VPS41: variants seen among roughly 807,000 people sequenced by gnomAD.
VPS41 encodes vacuolar protein sorting-associated protein 41 homolog.
A neutral mutation model predicts 130.9 loss-of-function variants in VPS41; 85 were observed. The observed-to-expected ratio is 0.65, with a 90% confidence interval of 0.55 to 0.78. The LOEUF (loss-of-function observed/expected upper bound fraction) is 0.78. Among genes scored for constraint, VPS41 ranks in the 30% least tolerant of loss-of-function variants. The probability of loss-of-function intolerance (pLI) is 0.00; values close to 1 mark genes in which losing one functional copy is unlikely to be tolerated. For missense variants in VPS41, 874 were observed against 1,018.7 expected (o/e 0.86, Z 1.93); for synonymous variants, 335 against 332.9 (o/e 1.01, Z -0.07).
chr7:38,848,944 G>A (rs1218023180), intron 4 of VPS41, among the ~76,000 whole-genome samples: 1 of 152,160 alleles, frequency 6.6e-6, no homozygotes, highest in Admixed American at 6.5e-5. Context: ...GAAATCAGTA[G>A]GTTCAAGGGA....
At chr7:38,744,977 C>G (rs1463047664) in intron 23 of VPS41, among the ~76,000 whole-genome samples, 2 of 152,210 alleles carry the variant, frequency 1.3e-5, no homozygotes, top group African/African-American at 4.8e-5. Context: ...ATGCAATCCT[C>G]AGTACAACCC....
intron 2 of VPS41, among the ~76,000 whole-genome samples, chr7:38,894,041 AACACT>A (rs1786924535): frequency 6.6e-6 from 1 of 152,240 alleles, no homozygotes. Flanking sequence ...TATGGTTGAA[AACACT>A]ACACATTATT....
chr7:38,878,899 T>C (rs1285378879), intron 2 of VPS41, among the ~76,000 whole-genome samples: 1 of 152,160 alleles, frequency 6.6e-6, no homozygotes, highest in South Asian at 2.1e-4. Context: ...GTGCCAACAA[T>C]CACTTCTGCT....
At chr7:38,748,859 T>C (rs574174563) in intron 22 of VPS41, among the ~76,000 whole-genome samples, 47 of 152,258 alleles carry the variant, frequency 3.1e-4, no homozygotes, top group Admixed American at 9.2e-4. Context: ...CCTCAACTTA[T>C]TAGCTCTAGA....
intron 2 of VPS41, among the ~76,000 whole-genome samples, chr7:38,874,086 CA>C (rs1440490961): frequency 3.3e-5 from 5 of 152,144 alleles, no homozygotes; most frequent in Non-Finnish European, 7.4e-5. Context: ...TCAGTGTTTA[CA>C]ACCAAAAATA....
chr7:38,833,336 G>A (rs1785430788), intron 4 of VPS41, among the ~76,000 whole-genome samples: 1 of 152,114 alleles, frequency 6.6e-6, no homozygotes, highest in Non-Finnish European at 1.5e-5. Context: ...ACATTCCTTT[G>A]CTTAAAACCC....
At position 38,748,642 on chromosome 7, in the gene VPS41, G is replaced by T. The variant is rs142914138; in HGVS notation, c.1927-3029C>A. 1.4e-3 allele frequency among the ~76,000 whole-genome samples: 211 copies of T among 151,362 alleles called. 1 individual carries two copies. The highest frequency in any genetic ancestry group is 5.5e-3 in the South Asian group (26 of 4,718). On this transcript the variant is annotated intron_variant, in intron 22 of 28. Transcript: ENST00000310301. ...AACCACTCTAGGCACAAGCAAATCA[G>T]ATTTGCAAAATGAAAACCAGTGCCT...
intron 12 of VPS41, among the ~76,000 whole-genome samples, chr7:38,772,937 A>G (rs1784183537): frequency 6.6e-6 from 1 of 152,184 alleles, no homozygotes; most frequent in African/African-American, 2.4e-5. Context: ...AAAAAAAATA[A>G]GGTGAGTTTA....
Position 38,869,202 on chromosome 7 carries a change from C to A in VPS41, c.112G>T (p.Gly38Trp). 1 of 1,612,764 alleles carries A rather than the reference C, an allele frequency of 6.2e-7. No individual in the cohort carries two copies. The highest frequency in any genetic ancestry group is 8.5e-7 in the Non-Finnish European group (1 of 1,179,120). ...PKLKYERLSN[G>W]VTEILQKDAA... ...TCCTTCTGAAGTATTTCAGTTACCC[C>A]ATTGGAAAGCCTTTCATACTTCAGC... The change falls in exon 3 of 29, where the codon GGG becomes TGG. Residue 38 changes from glycine to tryptophan, a missense_variant. Transcript: ENST00000310301.
intron 4 of VPS41, among the ~76,000 whole-genome samples, chr7:38,830,534 T>C (rs944658134): frequency 4.6e-5 from 7 of 152,270 alleles, no homozygotes; most frequent in African/African-American, 1.7e-4. Context: ...AGAGTAGTTT[T>C]TAAAAAATAT....
intron 19 of VPS41, 79 bp from the exon 20 acceptor site, chr7:38,755,015 A>T: frequency 1.5e-6 from 2 of 1,323,800 alleles, no homozygotes; most frequent in Non-Finnish European, 2.2e-6. Context: ...CAGTGTACCT[A>T]CCACAGTTCA....
Position 38,909,178 on chromosome 7 carries a change from G to A in VPS41, c.-4C>T. 5.0e-6 allele frequency: 8 copies of A among 1,614,118 alleles called. No homozygotes were observed. Among genetic ancestry groups the A allele is most frequent in the South Asian group, 1.1e-5 (1 of 91,080 alleles). ...CCTGCTCCTCTGCTTCCGCCATGGC[G>A]CCACGGGAGAGTCACCTGACAGACC... is the stretch of plus-strand genomic sequence containing the variant. On this transcript the variant is annotated 5_prime_UTR_variant, in exon 1 of 29. Coordinates refer to ENST00000310301, the MANE Select transcript of VPS41 (RefSeq NM_014396.4).
At position 38,830,249 on chromosome 7, in the gene VPS41, C is replaced by T; in HGVS notation, c.321+5G>A. Reference sequence around the variant, plus strand: ...ACTCTCTGCATGACCACATCTTTGCCATACCTTGCCATCCTCTGAACACAC... The same window carrying T: ...ACTCTCTGCATGACCACATCTTTGCTATACCTTGCCATCCTCTGAACACAC... On this transcript the variant is annotated splice_donor_5th_base_variant and intron_variant, in intron 5 of 28. Transcript: ENST00000310301. 6.2e-7 allele frequency: 1 copy of T among 1,605,636 alleles called. No homozygotes were observed. Among genetic ancestry groups the T allele is most frequent in the Non-Finnish European group, 8.5e-7 (1 of 1,172,162 alleles).
intron 15 of VPS41, 41 bp from the exon 16 acceptor site, chr7:38,765,702 T>A: frequency 7.4e-7 from 1 of 1,356,424 alleles, no homozygotes. Context: ...AAGTATATAT[T>A]AAAAAAACAA....
At chr7:38,855,395 A>G (rs1785961052) in intron 4 of VPS41, among the ~76,000 whole-genome samples, 1 of 152,140 alleles carries the variant, frequency 6.6e-6, no homozygotes, top group African/African-American at 2.4e-5. Context: ...ATCAATCCAA[A>G]GCAAAGAGAA....
rs189888475 is a variant in VPS41, at chr7:38,734,066, G to T, written c.2260-5275C>A. ...GCACCACTGCCATGCTCCAGCCTGG[G>T]CAACAAAGTAAGGCCCTGTCTCAAA... On this transcript the variant is annotated intron_variant, in intron 25 of 28. Coordinates refer to ENST00000310301, the MANE Select transcript of VPS41 (RefSeq NM_014396.4). 2.0e-3 allele frequency among the ~76,000 whole-genome samples: 301 copies of T among 152,324 alleles called. 2 individuals carry two copies. The highest frequency in any genetic ancestry group is 3.7e-3 in the Non-Finnish European group (249 of 68,024).
rs371668846 is a variant in VPS41 at position 38,898,244 on chromosome 7, AT to A, written c.22-116del. ...ACGCATCTGCCCTTTTTGGAAGAGAATCTACAACTATACTTTAGAGGACCAC... is the reference window on the plus strand; with the variant it reads ...ACGCATCTGCCCTTTTTGGAAGAGAACTACAACTATACTTTAGAGGACCAC... On this transcript the variant is annotated intron_variant, in intron 1 of 28. Coordinates refer to ENST00000310301, the MANE Select transcript of VPS41 (RefSeq NM_014396.4). 2,427 of 799,218 alleles carry A rather than the reference AT, an allele frequency of 3.0e-3. 9 individuals carry two copies. Among genetic ancestry groups the A allele is most frequent in the Non-Finnish European group, 4.2e-3 (2,034 of 482,260 alleles). The allele number at this position is 799,218 out of a possible 1,614,324, so 49.5% of individuals were successfully genotyped here.
chr7:38,874,395 T>C (rs1272102531), intron 2 of VPS41, among the ~76,000 whole-genome samples: 1 of 152,178 alleles, frequency 6.6e-6, no homozygotes, highest in Admixed American at 6.5e-5. Flanking sequence ...AAAGGTGAGA[T>C]ATCTTATAAA....
chr7:38,882,644 C>T (rs904619089), intron 2 of VPS41, among the ~76,000 whole-genome samples: 4 of 152,200 alleles, frequency 2.6e-5, no homozygotes, highest in African/African-American at 9.7e-5. Context: ...ACCCTGAGCA[C>T]CAAAACTAAC....
Sources: allele counts gnomAD v4.1 joint callset (sites outside exome capture counted in the v4.1 genomes callset), GRCh38; gene constraint gnomAD v4.1.1; transcripts MANE v1.5; gene names NCBI Gene and HGNC (gene_info 2026-07-23, HGNC 2026-07-21).